PTCHD1: variants seen among roughly 807,000 people sequenced by gnomAD.
PTCHD1 encodes patched domain containing 1.
In PTCHD1, 3 loss-of-function variants were observed where a neutral mutation model predicts 34.6. The ratio of observed to expected loss-of-function variants is 0.09; its 90% CI spans 0.04 to 0.22. The LOEUF (loss-of-function observed/expected upper bound fraction) is 0.22. Ranked by LOEUF, PTCHD1 falls within the 10% of genes least tolerant of loss-of-function variation. PTCHD1 has a pLI of 1.00. For missense variants in PTCHD1, 504 were observed against 685.5 expected (o/e 0.74, Z 2.96); for synonymous variants, 305 against 283.1 (o/e 1.08, Z -0.77).
At chrX:23,361,138 G>A (rs1435599351) in intron 1 of PTCHD1, among the ~76,000 whole-genome samples, 1 of 111,732 alleles carries the variant, frequency 8.9e-6, no homozygotes, top group Non-Finnish European at 1.9e-5. Flanking sequence ...GATTTGGGGT[G>A]GAGAGTTCTG....
chrX:23,349,702 C>T (rs376806170), intron 1 of PTCHD1, among the ~76,000 whole-genome samples: 1 of 111,732 alleles, frequency 8.9e-6, no homozygotes, highest in East Asian at 2.8e-4. Flanking sequence ...GAGAAATAGA[C>T]AAATCCACTA....
At chrX:23,356,697 A>G (rs1449399228) in intron 1 of PTCHD1, among the ~76,000 whole-genome samples, 1 of 111,845 alleles carries the variant, frequency 8.9e-6, no homozygotes, top group Non-Finnish European at 1.9e-5. Context: ...AAAGAATACC[A>G]CCCTCACAGC....
intron 1 of PTCHD1, among the ~76,000 whole-genome samples, chrX:23,342,297 TATATATATATATA>T (rs1462889775): frequency 9.8e-4 from 8 of 8,174 alleles, no homozygotes; most frequent in East Asian, 0.013. Flanking sequence ...TATATATATA[TATATATATATATA>T]TTTTTTTTTT....
chrX:23,350,599 G>A (rs1011142003), intron 1 of PTCHD1, among the ~76,000 whole-genome samples: 2 of 111,987 alleles, frequency 1.8e-5, no homozygotes, highest in East Asian at 5.6e-4. Flanking sequence ...TCCGGAGTTT[G>A]AAGAAGAGGT....
chrX:23,347,727 C>T (rs943032275), intron 1 of PTCHD1, among the ~76,000 whole-genome samples: 1 of 111,915 alleles, frequency 8.9e-6, no homozygotes, highest in African/African-American at 3.2e-5. Context: ...CTATGAAGGC[C>T]AGGCGAGGTG....
chrX:23,335,678 C>T (rs892012014), intron 1 of PTCHD1, among the ~76,000 whole-genome samples: 4 of 111,728 alleles, frequency 3.6e-5, no homozygotes, highest in African/African-American at 1.3e-4. Flanking sequence ...TTGTTTCTCC[C>T]TTTTTCTGGC....
intron 1 of PTCHD1, among the ~76,000 whole-genome samples, chrX:23,368,311 A>G (rs1197783499): frequency 9.0e-6 from 1 of 111,675 alleles, no homozygotes; most frequent in East Asian, 2.8e-4. Flanking sequence ...GTCTAATGAG[A>G]TCAGCCATTT....
chrX:23,373,762 A>C (rs1207374276), intron 1 of PTCHD1, among the ~76,000 whole-genome samples: 1 of 111,949 alleles, frequency 8.9e-6, no homozygotes, highest in Non-Finnish European at 1.9e-5. Flanking sequence ...CTGAGTGAGG[A>C]TACCTTGCCA....
chrX:23,380,873 C>G (rs779024730), intron 2 of PTCHD1, among the ~76,000 whole-genome samples: 1 of 111,231 alleles, frequency 9.0e-6, no homozygotes, highest in East Asian at 2.9e-4. Context: ...CAGTTAACTG[C>G]CAGCACTTCC....
At chrX:23,380,416 A>C (rs1922532186) in intron 2 of PTCHD1, 165 bp downstream of exon 2, 1 of 528,838 alleles carries the variant, frequency 1.9e-6, no homozygotes, top group African/African-American at 2.3e-5. Context: ...ATCAGCAAAA[A>C]ACAACCTAAT....
chrX:23,368,880 T>A (rs897135765), intron 1 of PTCHD1, among the ~76,000 whole-genome samples: 1 of 110,570 alleles, frequency 9.0e-6, no homozygotes, highest in Admixed American at 9.6e-5. Flanking sequence ...CTGGCCAACA[T>A]GGTGAAACCC....
chrX:23,391,679 C>T (rs1922831353), intron 2 of PTCHD1, among the ~76,000 whole-genome samples: 3 of 111,397 alleles, frequency 2.7e-5, no homozygotes, highest in South Asian at 7.6e-4. Context: ...TAACTCAGAA[C>T]CCTCTGCCCA....
intron 2 of PTCHD1, among the ~76,000 whole-genome samples, chrX:23,384,972 T>C (rs1303671083): frequency 8.9e-6 from 1 of 112,048 alleles, no homozygotes; most frequent in East Asian, 2.8e-4. Context: ...TATATTAGAA[T>C]GCTATGGAAA....
rs1314982291 is a variant in PTCHD1, at chrX:23,399,508, ACAGAC to A, written c.*5325_*5329del. ...TGAAGAACCACTGTCCTAAATTAAT[ACAGAC>A]CTCATTGGGAGTGTGATCCTGGTGT... is the stretch of plus-strand genomic sequence containing the variant. On this transcript the variant is annotated 3_prime_UTR_variant, in exon 3 of 3. Transcript: ENST00000379361. 8.9e-6 allele frequency: 1 copy of A among 111,886 alleles called. No individual in the cohort carries two copies. The highest frequency in any genetic ancestry group is 1.9e-5 in the Non-Finnish European group (1 of 53,184). 9.2% of individuals were successfully genotyped at this position (111,886 alleles called of 1,213,427 possible).
At chrX:23,353,110 A>G (rs750261759) in intron 1 of PTCHD1, among the ~76,000 whole-genome samples, 4 of 112,431 alleles carry the variant, frequency 3.6e-5, no homozygotes, top group African/African-American at 1.3e-4. Flanking sequence ...TATACACACA[A>G]AAAAGAATGC....
chrX:23,379,451 C>T, intron 1 of PTCHD1, 140 bp from the exon 2 acceptor site: 2 of 620,850 alleles, frequency 3.2e-6, no homozygotes, highest in South Asian at 5.9e-5. Flanking sequence ...GTGTGTTTCA[C>T]ATTCCTACTA....
intron 1 of PTCHD1, 132 bp from the exon 2 acceptor site, chrX:23,379,459 C>T: frequency 4.6e-6 from 3 of 650,260 alleles, no homozygotes; most frequent in Admixed American, 6.4e-5. Context: ...CACATTCCTA[C>T]TACCTATTTC....
intron 1 of PTCHD1, among the ~76,000 whole-genome samples, chrX:23,358,281 T>C (rs749216139): frequency 8.9e-6 from 1 of 112,221 alleles, no homozygotes; most frequent in Non-Finnish European, 1.9e-5. Context: ...ACCAACAGTG[T>C]AAAAGTGTTC....
chrX:23,359,272 A>G (rs1401714047), intron 1 of PTCHD1, among the ~76,000 whole-genome samples: 4 of 112,332 alleles, frequency 3.6e-5, no homozygotes, highest in Non-Finnish European at 7.5e-5. Context: ...GATTCTTCCT[A>G]TCCATGAGGA....
Sources: allele counts gnomAD v4.1 joint callset (sites outside exome capture counted in the v4.1 genomes callset), GRCh38; gene constraint gnomAD v4.1.1; transcripts MANE v1.5; gene names NCBI Gene and HGNC (gene_info 2026-07-23, HGNC 2026-07-21).